The following HCFC2 variants were observed in gnomAD, a reference collection of about 807,000 sequenced individuals.
HCFC2 encodes the protein host cell factor C2, also known as host cell factor 2.
HCFC2 carries 18 observed loss-of-function variants against 89.2 expected under a neutral mutation model. The observed-to-expected ratio is 0.20, with a 90% CI of 0.14 to 0.30. HCFC2 has a LOEUF of 0.30. HCFC2 is among the 10% of genes least tolerant of loss of function. The probability of loss-of-function intolerance (pLI) is 1.00; values close to 1 mark genes in which losing one functional copy is unlikely to be tolerated. For missense variants in HCFC2, 578 were observed against 956.1 expected (o/e 0.60, Z 5.21); for synonymous variants, 308 against 335.7 (o/e 0.92, Z 0.90).
At chr12:104,075,739 C>A (rs1883474181) in intron 3 of HCFC2, among the ~76,000 whole-genome samples, 1 of 152,166 alleles carries the variant, frequency 6.6e-6, no homozygotes, top group South Asian at 2.1e-4. Flanking sequence ...GGATTACCCG[C>A]TTGAGCCATC....
intron 13 of HCFC2, among the ~76,000 whole-genome samples, chr12:104,100,519 A>G (rs1374110159): frequency 6.6e-6 from 1 of 152,042 alleles, no homozygotes; most frequent in African/African-American, 2.4e-5. Context: ...GGCTGCAGTG[A>G]GCCATGTTCA....
In HCFC2 at chr12:104,095,988, C is replaced by T. The variant is rs1884165212; in HGVS notation, c.1667-372C>T. The stretch of plus-strand genomic sequence containing the variant: ...AACTTTTTTTTAGACAAGATTGGTT[C>T]TAGACTGTGTATTAACAATTCTTCC... On this transcript the variant is annotated intron_variant, in intron 11 of 14. Coordinates refer to ENST00000229330, the MANE Select transcript of HCFC2 (RefSeq NM_013320.3). This position sits in a 1 kb window ranked among gnomAD's most constrained non-coding sequence, Gnocchi z 4.2. Among the ~76,000 whole-genome samples, 1 of 152,052 alleles carries T rather than the reference C, an allele frequency of 6.6e-6. No individual in the cohort carries two copies. The highest frequency in any genetic ancestry group is 1.5e-5 in the Non-Finnish European group (1 of 67,994).
At chr12:104,082,076 T>C (rs1195751717) in intron 5 of HCFC2, among the ~76,000 whole-genome samples, 1 of 152,210 alleles carries the variant, frequency 6.6e-6, no homozygotes, top group Non-Finnish European at 1.5e-5. Flanking sequence ...TAAAGTTTTT[T>C]GTTTAAGTGA....
intron 9 of HCFC2, among the ~76,000 whole-genome samples, chr12:104,091,370 A>G (rs757707084): frequency 3.0e-4 from 45 of 152,200 alleles, no homozygotes; most frequent in Non-Finnish European, 1.9e-4. Flanking sequence ...CACTGACTGC[A>G]CTGGGCCCTG....
intron 5 of HCFC2, 102 bp from the exon 6 acceptor site, chr12:104,082,398 G>T (rs527317299): frequency 3.7e-5 from 26 of 703,838 alleles, no homozygotes; most frequent in Admixed American, 6.5e-5. Flanking sequence ...TAGTTCTGAA[G>T]CTCTGAGTCA....
chr12:104,092,700 G>A, intron 9 of HCFC2, among the ~76,000 whole-genome samples: 1 of 152,128 alleles, frequency 6.6e-6, no homozygotes, highest in Non-Finnish European at 1.5e-5. Flanking sequence ...CTTGAACACA[G>A]GAGGTGCAGG....
chr12:104,096,282 AAT>A, intron 11 of HCFC2, 76 bp from the exon 12 acceptor site: 1 of 943,262 alleles, frequency 1.1e-6, no homozygotes, highest in South Asian at 2.1e-5. Context: ...GGTGGCATTA[AAT>A]ATATATTTAA....
At chr12:104,091,939 A>G (rs1367165997) in intron 9 of HCFC2, among the ~76,000 whole-genome samples, 2 of 152,242 alleles carry the variant, frequency 1.3e-5, no homozygotes. Flanking sequence ...ACTTATAAAC[A>G]GTAGCACCAC....
chr12:104,095,658 G>T lies in HCFC2; in HGVS notation c.1666+95G>T. The T allele has an allele frequency of 1.1e-6, 1 of 926,696 alleles. No individual in the cohort carries two copies. The highest frequency in any genetic ancestry group is 1.9e-5 in the South Asian group (1 of 52,934). The allele number at this position is 926,696 out of a possible 1,614,324, so 57.4% of individuals were successfully genotyped here. A position where few individuals can be genotyped will look rare whatever the true frequency, so the allele number is the denominator to read the frequency against. On this transcript the variant is annotated intron_variant, in intron 11 of 14. Transcript: ENST00000229330. The surrounding 1 kb of genome is among the most constrained non-coding windows in gnomAD (Gnocchi z 4.2). ...TTAGATGGGAGTTGCATTTCATCTTGGAATTTTGTTATTAGTCATTTTAAC... is the reference window on the plus strand; with the variant it reads ...TTAGATGGGAGTTGCATTTCATCTTTGAATTTTGTTATTAGTCATTTTAAC...
At chr12:104,099,858 T>A (rs2029882481) in intron 13 of HCFC2, among the ~76,000 whole-genome samples, 2 of 152,130 alleles carry the variant, frequency 1.3e-5, no homozygotes, top group African/African-American at 4.8e-5. Flanking sequence ...GGTTTCACCA[T>A]GTTGCCCAGG....
intron 5 of HCFC2, among the ~76,000 whole-genome samples, chr12:104,081,132 A>G (rs1246370990): frequency 2.0e-5 from 3 of 151,946 alleles, no homozygotes; most frequent in Admixed American, 6.6e-5. Context: ...CCTTTTTCAT[A>G]TTTTTGGTAG....
At chr12:104,081,138 G>A (rs1883670753) in intron 5 of HCFC2, among the ~76,000 whole-genome samples, 1 of 151,990 alleles carries the variant, frequency 6.6e-6, no homozygotes, top group Admixed American at 6.6e-5. Context: ...TCATATTTTT[G>A]GTAGTGCTTC....
At chr12:104,102,884 G>C in intron 14 of HCFC2, 75 bp from the exon 15 acceptor site, 6 of 1,197,812 alleles carry the variant, frequency 5.0e-6, no homozygotes, top group Non-Finnish European at 7.0e-6. Context: ...GTATTCTAAA[G>C]ATAGACTCAA....
rs1209602035 is a variant in HCFC2, at chr12:104,079,516, C to A, written c.545C>A (p.Thr182Asn). Reference protein sequence around the residue: ...SGVVGWSIPVTKGVVPSPRES... With the variant: ...SGVVGWSIPVNKGVVPSPRES... The stretch of plus-strand genomic sequence containing the variant: ...GTTGTGGGTTGGAGCATTCCAGTGA[C>A]TAAAGGGGTTGTGCCTTCTCCAAGA... Residue 182 changes from threonine to asparagine, a missense_variant, in exon 4 of 15, where the codon ACT (threonine) becomes AAT (asparagine). Thr to Asn is a moderately conservative substitution (Grantham distance 65, BLOSUM62 0). This residue lies in a region of HCFC2 where 206 missense variants were observed against 419.2 expected (regional missense o/e 0.49). Transcript: ENST00000229330. 3 of 1,614,016 alleles carry A rather than the reference C, an allele frequency of 1.9e-6. No homozygotes were observed. The highest frequency in any genetic ancestry group is 1.7e-5 in the Admixed American group (1 of 60,008).
chr12:104,090,665 A>G (rs1246575299), intron 9 of HCFC2, among the ~76,000 whole-genome samples: 2 of 151,762 alleles, frequency 1.3e-5, no homozygotes, highest in Non-Finnish European at 2.9e-5. Flanking sequence ...CATAAATATA[A>G]TATCTTTCCT....
rs1248832069 is a variant in HCFC2, at chr12:104,095,339, A to G, written c.1463-21A>G. ...ATCTGCAGATATCATATTAATAATTACCTTTTCCCTTTTATTTTAGGTCCT... is the reference window on the plus strand; with the variant it reads ...ATCTGCAGATATCATATTAATAATTGCCTTTTCCCTTTTATTTTAGGTCCT... On this transcript the variant is annotated intron_variant, in intron 10 of 14. Transcript: ENST00000229330. The surrounding 1 kb of genome is among the most constrained non-coding windows in gnomAD (Gnocchi z 4.2). 1 of 1,559,780 alleles carries G rather than the reference A, an allele frequency of 6.4e-7. No homozygotes were observed. Among genetic ancestry groups the G allele is most frequent in the Non-Finnish European group, 8.8e-7 (1 of 1,131,930 alleles).
intron 3 of HCFC2, among the ~76,000 whole-genome samples, chr12:104,079,049 ACC>A (rs1232877645): frequency 1.3e-5 from 2 of 152,090 alleles, no homozygotes; most frequent in Non-Finnish European, 2.9e-5. Flanking sequence ...CTTTCACCAT[ACC>A]CTATTAATCA....
chr12:104,101,483 CA>C (rs750210384), intron 13 of HCFC2, among the ~76,000 whole-genome samples: 1,514 of 120,520 alleles, frequency 0.013, 16 homozygotes, highest in South Asian at 0.088. Flanking sequence ...ACTCCGTCTC[CA>C]AAAAAAAAAA....
intron 12 of HCFC2, among the ~76,000 whole-genome samples, chr12:104,096,805 T>C (rs1884190831): frequency 6.6e-6 from 1 of 152,176 alleles, no homozygotes; most frequent in Non-Finnish European, 1.5e-5. Flanking sequence ...TAATCAGAAA[T>C]GTGTGTATGT....
Sources: allele counts gnomAD v4.1 joint callset (sites outside exome capture counted in the v4.1 genomes callset), GRCh38; gene constraint gnomAD v4.1.1; regional missense constraint gnomAD v4.1.1; non-coding constraint Gnocchi (gnomAD v3.1); transcripts MANE v1.5; gene names NCBI Gene and HGNC (gene_info 2026-07-23, HGNC 2026-07-21).